CREB5: variants seen among roughly 807,000 people sequenced by gnomAD.
CREB5 encodes cyclic AMP-responsive element-binding protein 5.
CREB5 carries 19 observed loss-of-function variants against 57.1 expected under a neutral mutation model. The ratio of observed to expected loss-of-function variants is 0.33; its 90% CI spans 0.23 to 0.49. The LOEUF (loss-of-function observed/expected upper bound fraction) is 0.49. Among genes scored for constraint, CREB5 ranks in the 20% least tolerant of loss-of-function variants. The pLI is 0.99. For synonymous variants in CREB5, 238 were observed against 238.3 expected, an observed-to-expected ratio of 1.00 and a Z score of 0.01; for missense variants, 579 against 671.6, an observed-to-expected ratio of 0.86 and a Z score of 1.52.
At chr7:28,486,599 A>AG (rs910104781) in intron 1 of CREB5, among the ~76,000 whole-genome samples, 6 of 147,474 alleles carry the variant, frequency 4.1e-5, no homozygotes, top group African/African-American at 1.5e-4. Flanking sequence ...CAAAAAAAAG[A>AG]GGGGGGGTAT....
chr7:28,414,538 T>C (rs1160967251), intron 1 of CREB5, among the ~76,000 whole-genome samples: 1 of 152,194 alleles, frequency 6.6e-6, no homozygotes, highest in Non-Finnish European at 1.5e-5. Context: ...CTTTCAGATA[T>C]GCTAAACAGA....
rs530130087 is a variant in CREB5 at position 28,494,987 on chromosome 7, A to G, written c.157A>G (p.Asn53Asp). ...GAAGTTTCCTTCAATAAAAACAGAC[A>G]ATATGTTATCAGGTAAGGAGCCATC... Reference protein sequence around the residue: ...TLKFPSIKTDNMLSDQTPTPT... With the variant: ...TLKFPSIKTDDMLSDQTPTPT... Residue 53 changes from asparagine (N) to aspartate (D), a missense_variant, in exon 3 of 11, where the codon AAT becomes GAT. Transcript: ENST00000357727. 1.0e-5 allele frequency: 16 copies of G among 1,606,088 alleles called. No homozygotes were observed. The South Asian group carries it at 1.0e-4, about 10-fold the overall frequency.
rs1800373201 is a variant in CREB5 at position 28,677,465 on chromosome 7, C to CTTG, written c.465-41288_465-41287insTTG. 5.9e-5 allele frequency among the ~76,000 whole-genome samples: 9 copies of CTTG among 152,054 alleles called. No homozygotes were observed. In the South Asian group the frequency reaches 1.9e-3, roughly 32 times the overall value. The stretch of plus-strand genomic sequence containing the variant: ...ATGTTTGCTGGTTGGAGTGCCAGGC[C>CTTG]AAGGGTCAGCCTTCAAGGGATTGAG... On this transcript the variant is annotated intron_variant, in intron 5 of 10. Coordinates refer to ENST00000357727, the MANE Select transcript of CREB5 (RefSeq NM_182898.4).
intron 6 of CREB5, among the ~76,000 whole-genome samples, 168 bp downstream of exon 6, chr7:28,719,047 T>A (rs552857692): frequency 2.6e-5 from 4 of 152,306 alleles, no homozygotes; most frequent in Admixed American, 1.3e-4. Flanking sequence ...CAGTTGCCCA[T>A]CCCCAGGCAT....
At chr7:28,642,690 T>C (rs753917184) in intron 5 of CREB5, among the ~76,000 whole-genome samples, 1 of 152,146 alleles carries the variant, frequency 6.6e-6, no homozygotes, top group South Asian at 2.1e-4. Context: ...CTCCTTCTGC[T>C]GAAAATGTTC....
At chr7:28,311,425 C>T (rs1583662089) in intron 1 of CREB5, among the ~76,000 whole-genome samples, 1 of 152,186 alleles carries the variant, frequency 6.6e-6, no homozygotes, top group Non-Finnish European at 1.5e-5. Flanking sequence ...CTGGGCAGTG[C>T]TTTGAAAACA....
chr7:28,513,128 C>T (rs1372835576), intron 4 of CREB5, among the ~76,000 whole-genome samples: 2 of 152,210 alleles, frequency 1.3e-5, no homozygotes, highest in South Asian at 2.1e-4. Context: ...CAAGAAGGTG[C>T]GGAAGGAGAG....
rs1384677948 is a variant in CREB5 at position 28,689,224 on chromosome 7, C to A, written c.465-29529C>A. On this transcript the variant is annotated intron_variant, in intron 5 of 10. Coordinates refer to ENST00000357727, the MANE Select transcript of CREB5 (RefSeq NM_182898.4). ...GAGCGCAGTGGCTCACGCCTGTAAT[C>A]CCAGCACTTTGGGAGGCCGAGGTGG... is the stretch of plus-strand genomic sequence containing the variant. 2.6e-5 allele frequency among the ~76,000 whole-genome samples: 4 copies of A among 152,056 alleles called. No homozygotes were observed. In the East Asian group the frequency reaches 7.7e-4, roughly 29 times the overall value.
At chr7:28,681,995 C>T (rs559590690) in intron 5 of CREB5, among the ~76,000 whole-genome samples, 1 of 152,302 alleles carries the variant, frequency 6.6e-6, no homozygotes, top group East Asian at 1.9e-4. Context: ...TATCCACCCC[C>T]AAAGGTTTCC....
At chr7:28,470,337 G>A (rs192178916) in intron 1 of CREB5, among the ~76,000 whole-genome samples, 27 of 152,144 alleles carry the variant, frequency 1.8e-4, no homozygotes, top group South Asian at 8.3e-4. Context: ...TTGTCTTTCC[G>A]TGCCTGGCTT....
At chr7:28,600,356 A>T (rs908020002) in intron 5 of CREB5, among the ~76,000 whole-genome samples, 4 of 133,072 alleles carry the variant, frequency 3.0e-5, no homozygotes, top group African/African-American at 5.8e-5. Context: ...CCTAAATTTA[A>T]TCAGAGCAGA....
intron 7 of CREB5, among the ~76,000 whole-genome samples, chr7:28,746,751 T>A (rs1804701834): frequency 6.6e-6 from 1 of 152,236 alleles, no homozygotes; most frequent in South Asian, 2.1e-4. Context: ...TAGCTCTATT[T>A]GTGAAAAGCT....
At chr7:28,527,660 G>GT (rs1316215305) in intron 4 of CREB5, among the ~76,000 whole-genome samples, 1 of 152,058 alleles carries the variant, frequency 6.6e-6, no homozygotes, top group African/African-American at 2.4e-5. Context: ...CTACAAAAAA[G>GT]TTTTTAAAAA....
intron 1 of CREB5, among the ~76,000 whole-genome samples, chr7:28,314,272 A>C (rs758367548): frequency 7.9e-5 from 12 of 152,212 alleles, no homozygotes; most frequent in Non-Finnish European, 1.8e-4. Context: ...GACATGTTTT[A>C]GGAAAACACT....
chr7:28,608,269 C>A (rs1420910249), intron 5 of CREB5, among the ~76,000 whole-genome samples: 1 of 151,942 alleles, frequency 6.6e-6, no homozygotes, highest in Non-Finnish European at 1.5e-5. Context: ...TCATATTTTC[C>A]CATGTTCTTT....
intron 2 of CREB5, among the ~76,000 whole-genome samples, chr7:28,490,224 T>G (rs549932247): frequency 6.6e-6 from 1 of 152,358 alleles, no homozygotes; most frequent in East Asian, 1.9e-4. Context: ...AGTTTAGGAA[T>G]CAAGTCTATA....
intron 1 of CREB5, among the ~76,000 whole-genome samples, chr7:28,309,823 C>T (rs1478532533): frequency 6.6e-6 from 1 of 152,212 alleles, no homozygotes; most frequent in Non-Finnish European, 1.5e-5. Flanking sequence ...CTGCTTCTGG[C>T]TTCCTCCTTC....
chr7:28,754,693 C>T (rs1805188999), intron 7 of CREB5, among the ~76,000 whole-genome samples: 1 of 152,200 alleles, frequency 6.6e-6, no homozygotes, highest in Non-Finnish European at 1.5e-5. Context: ...ACACGATCCT[C>T]ATTAGAGCTG....
chr7:28,408,766 TG>T (rs1583426224), upstream of CREB5, among the ~76,000 whole-genome samples: 1 of 151,960 alleles, frequency 6.6e-6, no homozygotes, highest in East Asian at 1.9e-4. Flanking sequence ...GGAGGTGAGA[TG>T]AGGGGGCGGT....
Sources: gnomAD v4.1 joint callset for allele counts (sites outside exome capture counted in the v4.1 genomes callset) on GRCh38, gnomAD v4.1.1 for gene constraint, MANE v1.5 for transcripts, NCBI Gene and HGNC (gene_info 2026-07-23, HGNC 2026-07-21) for gene names.